TNPO3: variants seen among roughly 807,000 people sequenced by gnomAD.
The protein encoded by TNPO3 is transportin 3.
Under a neutral mutation model 122.8 loss-of-function variants are expected in TNPO3, and 65 were observed. That is an observed-to-expected ratio of 0.53 (90% CI 0.43 to 0.65). The LOEUF (loss-of-function observed/expected upper bound fraction) is 0.65. Among genes scored for constraint, TNPO3 ranks in the 30% least tolerant of loss-of-function variants. The probability of loss-of-function intolerance (pLI) is 0.00; values close to 1 mark genes in which losing one functional copy is unlikely to be tolerated. For synonymous variants in TNPO3, 372 were observed against 411.2 expected (o/e 0.90, Z 1.15); for missense variants, 850 against 1,136.7 (o/e 0.75, Z 3.63).
intron 22 of TNPO3, among the ~76,000 whole-genome samples, chr7:128,956,445 C>T (rs1387243201): frequency 3.3e-5 from 5 of 152,150 alleles, no homozygotes; most frequent in Admixed American, 6.5e-5. Flanking sequence ...AACCAGGAGA[C>T]GGAAAGCACG....
intron 1 of TNPO3, among the ~76,000 whole-genome samples, chr7:129,045,001 C>T (rs748711317): frequency 5.9e-5 from 9 of 152,064 alleles, no homozygotes; most frequent in African/African-American, 1.9e-4. Flanking sequence ...ATACATACAA[C>T]GGGATATTAT....
chr7:129,020,517 T>C (rs1226285296), intron 1 of TNPO3, among the ~76,000 whole-genome samples: 2 of 152,318 alleles, frequency 1.3e-5, no homozygotes. Flanking sequence ...CTCAGCTCAT[T>C]GCAGCCTCAA....
At chr7:128,961,648 G>A (rs188719845) in intron 21 of TNPO3, among the ~76,000 whole-genome samples, 1 of 152,100 alleles carries the variant, frequency 6.6e-6, no homozygotes, top group East Asian at 1.9e-4. Flanking sequence ...TCTGTTTTCT[G>A]GCTTCTAGTC....
At chr7:129,004,061 T>C (rs1358866306) in intron 5 of TNPO3, among the ~76,000 whole-genome samples, 3 of 152,206 alleles carry the variant, frequency 2.0e-5, no homozygotes, top group Non-Finnish European at 2.9e-5. Context: ...AGACAGACAA[T>C]GGCAAGCAAA....
At chr7:128,983,766 GT>G (rs5887404) in intron 13 of TNPO3, among the ~76,000 whole-genome samples, 60,015 of 147,806 alleles carry the variant, frequency 0.41, 12,839 homozygotes, top group Middle Eastern at 0.49. Flanking sequence ...CTAAACCAAT[GT>G]ATACCTTCCA....
At chr7:128,984,049 A>G in intron 13 of TNPO3, 119 bp downstream of exon 13, 3 of 537,854 alleles carry the variant, frequency 5.6e-6, no homozygotes, top group Non-Finnish European at 9.6e-6. Context: ...ATAAATTCTT[A>G]GTGCATTTTC....
At chr7:129,013,664 A>G (rs894941845) in intron 4 of TNPO3, among the ~76,000 whole-genome samples, 1 of 152,186 alleles carries the variant, frequency 6.6e-6, no homozygotes, top group African/African-American at 2.4e-5. Flanking sequence ...GATCTCTACA[A>G]TCCCATGTTT....
intron 21 of TNPO3, among the ~76,000 whole-genome samples, chr7:128,958,762 A>T (rs1797155154): frequency 6.6e-6 from 1 of 152,182 alleles, no homozygotes; most frequent in South Asian, 2.1e-4. Context: ...CCATCCTAAA[A>T]ATGTAATGAA....
intron 21 of TNPO3, among the ~76,000 whole-genome samples, chr7:128,965,833 A>G (rs1172347569): frequency 6.6e-6 from 1 of 152,258 alleles, no homozygotes; most frequent in Non-Finnish European, 1.5e-5. Context: ...GCTAATCACA[A>G]AAAGACAAAT....
chr7:129,046,190 C>T (rs367984346), intron 1 of TNPO3, among the ~76,000 whole-genome samples: 3 of 95,450 alleles, frequency 3.1e-5, no homozygotes, highest in Non-Finnish European at 4.1e-5. Context: ...AGTGAGACTC[C>T]GTCTCAAAAA....
rs369597580 is a variant in TNPO3, at chr7:128,956,017, A to G, written c.*32-632T>C. ...AGGATTATCTTAGTTAATACATCTA[A>G]AACACTTAAAACAGTGCCCTGACAC... On this transcript the variant is annotated intron_variant, in intron 22 of 22. Coordinates refer to ENST00000265388, the MANE Select transcript of TNPO3 (RefSeq NM_012470.4). 2.6e-5 allele frequency among the ~76,000 whole-genome samples: 4 copies of G among 152,314 alleles called. No homozygotes were observed. The East Asian group carries it at 7.7e-4, about 29-fold the overall frequency.
At chr7:128,961,309 T>C (rs1418670230) in intron 21 of TNPO3, among the ~76,000 whole-genome samples, 2 of 152,170 alleles carry the variant, frequency 1.3e-5, no homozygotes, top group Non-Finnish European at 2.9e-5. Flanking sequence ...CTTTTCTATG[T>C]TTAGATATGT....
intron 20 of TNPO3, 115 bp downstream of exon 20, chr7:128,970,032 AT>A: frequency 8.1e-7 from 1 of 1,236,360 alleles, no homozygotes; most frequent in Non-Finnish European, 1.2e-6. Context: ...ATATGCCTAA[AT>A]TTGGTTCCAT....
intron 7 of TNPO3, among the ~76,000 whole-genome samples, chr7:128,999,097 C>T (rs1321011637): frequency 6.6e-6 from 1 of 152,132 alleles, no homozygotes; most frequent in Non-Finnish European, 1.5e-5. Flanking sequence ...ATGATCTGCC[C>T]ACCTCGGCCT....
chr7:129,011,055 T>C (rs1803135117), intron 4 of TNPO3, among the ~76,000 whole-genome samples: 1 of 152,204 alleles, frequency 6.6e-6, no homozygotes, highest in South Asian at 2.1e-4. Context: ...TCATTACATA[T>C]AACGAATAGC....
At chr7:128,990,240 T>C in intron 10 of TNPO3, 140 bp from the exon 11 acceptor site, 1 of 934,446 alleles carries the variant, frequency 1.1e-6, no homozygotes, top group Non-Finnish European at 1.7e-6. Flanking sequence ...TGGTATTTGT[T>C]ATGAAAGATT....
intron 19 of TNPO3, among the ~76,000 whole-genome samples, chr7:128,971,740 G>A (rs1798512179): frequency 6.6e-6 from 1 of 152,188 alleles, no homozygotes; most frequent in Non-Finnish European, 1.5e-5. Context: ...TCTTGGCTTA[G>A]AGGCAGTATG....
intron 13 of TNPO3, 143 bp from the exon 14 acceptor site, chr7:128,982,467 C>A (rs1329037839): frequency 3.3e-6 from 2 of 601,302 alleles, no homozygotes; most frequent in Non-Finnish European, 5.4e-6. Context: ...CTAAAAGTTA[C>A]TCAAATGGCG....
chr7:128,993,017 A>C (rs1434136393), intron 9 of TNPO3, among the ~76,000 whole-genome samples: 1 of 151,976 alleles, frequency 6.6e-6, no homozygotes, highest in Non-Finnish European at 1.5e-5. Context: ...AGAATCCTCA[A>C]CTCTTCATAG....
Sources: gnomAD v4.1 joint callset for allele counts (sites outside exome capture counted in the v4.1 genomes callset) on GRCh38, gnomAD v4.1.1 for gene constraint, MANE v1.5 for transcripts, NCBI Gene and HGNC (gene_info 2026-07-23, HGNC 2026-07-21) for gene names.